Variants in SLITRK3 observed in about 807,000 individuals in gnomAD.
SLITRK3 encodes the protein SLIT and NTRK like family member 3.
A neutral mutation model predicts 63.6 loss-of-function variants in SLITRK3; 16 were observed. That is an observed-to-expected ratio of 0.25 (90% confidence interval 0.17 to 0.38). The LOEUF (loss-of-function observed/expected upper bound fraction) is 0.38. Among genes scored for constraint, SLITRK3 ranks in the 10% least tolerant of loss-of-function variants. SLITRK3 has a pLI of 1.00. For synonymous variants in SLITRK3, 547 were observed against 451.6 expected, an observed-to-expected ratio of 1.21 and a Z score of -2.68; for missense variants, 1,117 against 1,181.4, an observed-to-expected ratio of 0.95 and a Z score of 0.80.
Position 165,188,184 on chromosome 3 carries a change from T to C in SLITRK3, c.2647A>G (p.Met883Val). Reference protein sequence around the residue: ...PPGGGCGSGSMLLDRERPQPA... With the variant: ...PPGGGCGSGSVLLDRERPQPA... ...TGTGGCCTCTCTCGATCTAGTAGCA[T>C]ACTGCCACTACCACAGCCTCCCCCA... is the stretch of plus-strand genomic sequence containing the variant. The change falls in exon 2 of 2, where the codon ATG becomes GTG. Residue 883 changes from methionine to valine, a missense_variant. By Grantham distance (21) the Met-to-Val change is conservative. This residue lies in a region of SLITRK3 where 499 missense variants were observed against 463.6 expected (regional missense o/e 1.08). Coordinates refer to ENST00000475390, the MANE Select transcript of SLITRK3 (RefSeq NM_001318810.2). 6.2e-7 allele frequency: 1 copy of C among 1,613,768 alleles called. No homozygotes were observed. Among genetic ancestry groups the C allele is most frequent in the Non-Finnish European group, 8.5e-7 (1 of 1,179,940 alleles).
chr3:165,188,636 T>A lies in SLITRK3; in HGVS notation c.2195A>T (p.Lys732Met), dbSNP rs1377788854. 2 of 1,613,790 alleles carry A rather than the reference T, an allele frequency of 1.2e-6. No homozygotes were observed. The highest frequency in any genetic ancestry group is 1.7e-6 in the Non-Finnish European group (2 of 1,179,848). ...GGRPTLSSPEKAPPVGHVYEY... is the reference protein window; with the variant it reads ...GGRPTLSSPEMAPPVGHVYEY... ...ATACACATGACCCACGGGAGGGGCC[T>A]TCTCTGGAGAGGAAAGAGTTGGTCG... The change falls in exon 2 of 2, where the codon AAG becomes ATG. Residue 732 changes from lysine (K) to methionine (M), a missense_variant. Physicochemically the swap from Lys to Met is moderately conservative, Grantham distance 95 (BLOSUM62 -1). Around this residue, in one of 4 missense-constraint regions of SLITRK3, gnomAD observed 499 missense variants for 463.6 expected, o/e 1.08. Transcript: ENST00000475390.
At position 165,188,886 on chromosome 3, in the gene SLITRK3, C is replaced by T. The variant is rs760542192; in HGVS notation, c.1945G>A (p.Gly649Ser). 1.9e-6 allele frequency: 3 copies of T among 1,614,122 alleles called. No individual in the cohort carries two copies. The highest frequency in any genetic ancestry group is 1.7e-5 in the Admixed American group (1 of 60,014). Residue 649 changes from glycine (G) to serine (S), a missense_variant, in exon 2 of 2, where the codon GGC becomes AGC. By Grantham distance (56) the Gly-to-Ser change is moderately conservative. This residue lies in a region of SLITRK3 where 499 missense variants were observed against 463.6 expected (regional missense o/e 1.08). Transcript: ENST00000475390. ...ATTAACACAGAAAGTGGCACAGGGC[C>T]CCCAGGAGGAGAAAACTCATAAGGT... ...ASPYEFSPPG[G>S]PVPLSVLILS...
chr3:165,188,402 G>T lies in SLITRK3; in HGVS notation c.2429C>A (p.Thr810Asn), dbSNP rs755054526. 1 of 1,613,838 alleles carries T rather than the reference G, an allele frequency of 6.2e-7. No individual in the cohort carries two copies. Among genetic ancestry groups the T allele is most frequent in the African/African-American group, 1.3e-5 (1 of 74,934 alleles). The change falls in exon 2 of 2, where the codon ACC becomes AAC. Residue 810 changes from threonine to asparagine, a missense_variant. Physicochemically the swap from Thr to Asn is moderately conservative, Grantham distance 65. This residue lies in a region of SLITRK3 where 499 missense variants were observed against 463.6 expected (regional missense o/e 1.08). Transcript: ENST00000475390. ...TPKENHSNYR[T>N]LLEKEKEWAL... ...CCACTCCTTCTCTTTTTCCAGCAAGGTCCGGTAGTTACTATGGTTCTCCTT... is the reference window on the plus strand; with the variant it reads ...CCACTCCTTCTCTTTTTCCAGCAAGTTCCGGTAGTTACTATGGTTCTCCTT...
Position 165,188,510 on chromosome 3 carries a change from C to T in SLITRK3, c.2321G>A (p.Ser774Asn), listed in dbSNP as rs1324086674. 6.2e-7 allele frequency: 1 copy of T among 1,613,972 alleles called. No individual in the cohort carries two copies. Among genetic ancestry groups the T allele is most frequent in the Non-Finnish European group, 8.5e-7 (1 of 1,180,010 alleles). Residue 774 changes from serine (S) to asparagine (N), a missense_variant, in exon 2 of 2, where the codon AGT becomes AAT. This residue lies in a region of SLITRK3 where 499 missense variants were observed against 463.6 expected (regional missense o/e 1.08). Coordinates refer to ENST00000475390, the MANE Select transcript of SLITRK3 (RefSeq NM_001318810.2). ...TGTCCCTGGACCCCCACGTTCTGCA[C>T]TCCCTGCTTCTTGGGCTGATGAAAC... ...VAVSSAQEAG[S>N]AERGGPGTQP...
chr3:165,191,268 C>G (rs1260349714), intron 1 of SLITRK3, among the ~76,000 whole-genome samples: 1 of 152,170 alleles, frequency 6.6e-6, no homozygotes, highest in East Asian at 1.9e-4. Flanking sequence ...CATAATAAAT[C>G]TGATTGGAAC....
Position 165,190,835 on chromosome 3 carries a change from C to T in SLITRK3, c.-5G>A, listed in dbSNP as rs538550979. On this transcript the variant is annotated 5_prime_UTR_variant, in exon 2 of 2. Coordinates refer to ENST00000475390, the MANE Select transcript of SLITRK3 (RefSeq NM_001318810.2). ...CTCAGCTATGGAAGGTTTCATCGTT[C>T]GTGGTTGATTACAAAACTGCAACAG... 6.4e-6 allele frequency: 10 copies of T among 1,557,932 alleles called. No homozygotes were observed. Among genetic ancestry groups the T allele is most frequent in the Middle Eastern group, 1.7e-4 (1 of 5,750 alleles).
upstream of SLITRK3, chr3:165,196,828 C>G (rs1015176981): frequency 6.6e-6 from 1 of 150,594 alleles, no homozygotes; most frequent in Admixed American, 6.7e-5. Flanking sequence ...CCTCTCGCCG[C>G]GCATCGCAGG....
chr3:165,190,788 A>G lies in SLITRK3; in HGVS notation c.43T>C (p.Leu15=), dbSNP rs866629506. ...ATTGTGCTTAGAAGAATTATCCACA[A>G]CATCCTTCCTCTGTGAAGCATCTCA... The part of the protein sequence containing the change: ...IAEMLHRGRM[L]WIILLSTIAL... Residue 15 remains leucine (L), a synonymous_variant, in exon 2 of 2, where the codon TTG becomes CTG. Transcript: ENST00000475390. The G allele has an allele frequency of 1.2e-6, 2 of 1,609,196 alleles. No individual in the cohort carries two copies. The highest frequency in any genetic ancestry group is 1.7e-5 in the Admixed American group (1 of 59,010).
In SLITRK3 at chr3:165,190,371, G is replaced by T; in HGVS notation, c.460C>A (p.Leu154Met). ...TFLGLESLEY[L>M]QADYNVIKRI... is the part of the protein sequence containing the mutation. ...TTAATGACATTGTAATCTGCCTGCA[G>T]ATATTCTAGACTTTCCAAGCCAAGG... The change falls in exon 2 of 2, where the codon CTG becomes ATG. Residue 154 changes from leucine (L) to methionine (M), a missense_variant. Coordinates refer to ENST00000475390, the MANE Select transcript of SLITRK3 (RefSeq NM_001318810.2). 6.2e-7 allele frequency: 1 copy of T among 1,614,132 alleles called. No homozygotes were observed.
At chr3:165,191,980 A>T (rs1050606092) in intron 1 of SLITRK3, among the ~76,000 whole-genome samples, 1 of 152,360 alleles carries the variant, frequency 6.6e-6, no homozygotes, top group African/African-American at 2.4e-5. Flanking sequence ...GCCTAATAAC[A>T]TCAGTATATG....
At position 165,190,840 on chromosome 3, in the gene SLITRK3, T is replaced by C; in HGVS notation, c.-10A>G. The C allele has an allele frequency of 1.9e-6, 3 of 1,555,020 alleles. No individual in the cohort carries two copies. Among genetic ancestry groups the C allele is most frequent in the Admixed American group, 2.1e-5 (1 of 48,074 alleles). ...CTATGGAAGGTTTCATCGTTCGTGG[T>C]TGATTACAAAACTGCAACAGAAATA... On this transcript the variant is annotated 5_prime_UTR_variant, in exon 2 of 2. Coordinates refer to ENST00000475390, the MANE Select transcript of SLITRK3 (RefSeq NM_001318810.2).
rs1006044058 is a variant in SLITRK3, at chr3:165,190,166, C to T, written c.665G>A (p.Arg222Lys). 3 of 1,614,066 alleles carry T rather than the reference C, an allele frequency of 1.9e-6. No individual in the cohort carries two copies. The highest frequency in any genetic ancestry group is 2.5e-6 in the Non-Finnish European group (3 of 1,180,032). ...TTCCAGCTGGAGCTCCATCAGGCTT[C>T]TGCCAATGTGATCTAGCATTCCTCG... ...FYRGMLDHIG[R>K]SLMELQLEEN... Residue 222 changes from arginine (R) to lysine (K), a missense_variant, in exon 2 of 2, where the codon AGA becomes AAA. Arg to Lys is a conservative substitution (Grantham distance 26). This residue lies in a region of SLITRK3 where 452 missense variants were observed against 495.3 expected (regional missense o/e 0.91). Coordinates refer to ENST00000475390, the MANE Select transcript of SLITRK3 (RefSeq NM_001318810.2).
chr3:165,195,343 T>C (rs1179316659), intron 1 of SLITRK3, among the ~76,000 whole-genome samples: 2 of 152,268 alleles, frequency 1.3e-5, no homozygotes, highest in Admixed American at 1.3e-4. Context: ...TTGTTGGAGT[T>C]ACTTACGATG....
chr3:165,194,600 C>A (rs1718352054), intron 1 of SLITRK3, among the ~76,000 whole-genome samples: 1 of 152,118 alleles, frequency 6.6e-6, no homozygotes, highest in Admixed American at 6.5e-5. Flanking sequence ...CCCTCCCCAG[C>A]TGCCGGCACC....
intron 1 of SLITRK3, among the ~76,000 whole-genome samples, chr3:165,195,281 C>A (rs1157304021): frequency 6.6e-6 from 1 of 152,158 alleles, no homozygotes; most frequent in African/African-American, 2.4e-5. Flanking sequence ...TCTTACAACA[C>A]CAGCGAGCAT....
Position 165,188,260 on chromosome 3 carries a change from C to T in SLITRK3, c.2571G>A (p.Leu857=), listed in dbSNP as rs966041387. The part of the protein sequence containing the change: ...SGVVGGTGGD[L]AGFRHHEKNG... ...TTTTCTCATGGTGGCGGAACCCTGCCAAGTCTCCCCCAGTTCCCCCAACTA... is the reference window on the plus strand; with the variant it reads ...TTTTCTCATGGTGGCGGAACCCTGCTAAGTCTCCCCCAGTTCCCCCAACTA... The change falls in exon 2 of 2, where the codon TTG becomes TTA. Residue 857 remains leucine, a synonymous_variant. Coordinates refer to ENST00000475390, the MANE Select transcript of SLITRK3 (RefSeq NM_001318810.2). 1 of 1,613,706 alleles carries T rather than the reference C, an allele frequency of 6.2e-7. No homozygotes were observed.
chr3:165,188,660 C>T lies in SLITRK3; in HGVS notation c.2171G>A (p.Arg724Gln), dbSNP rs1718057991. ...GGGGGSGGGG[R>Q]PTLSSPEKAP... The stretch of plus-strand genomic sequence containing the variant: ...CTTCTCTGGAGAGGAAAGAGTTGGT[C>T]GACCACCACCCCCACTTCCGCCACC... Residue 724 changes from arginine (R) to glutamine (Q), a missense_variant, in exon 2 of 2, where the codon CGA becomes CAA. Around this residue, in one of 4 missense-constraint regions of SLITRK3, gnomAD observed 499 missense variants for 463.6 expected, o/e 1.08. Coordinates refer to ENST00000475390, the MANE Select transcript of SLITRK3 (RefSeq NM_001318810.2). 1.9e-6 allele frequency: 3 copies of T among 1,613,800 alleles called. No homozygotes were observed. The South Asian group carries it at 3.3e-5, about 18-fold the overall frequency.
intron 1 of SLITRK3, among the ~76,000 whole-genome samples, chr3:165,192,842 C>A (rs924758083): frequency 6.6e-6 from 1 of 152,124 alleles, no homozygotes. Context: ...GCTGCCCCTG[C>A]CGCTGCCGCC....
chr3:165,192,144 A>T (rs1332333321), intron 1 of SLITRK3, among the ~76,000 whole-genome samples: 1 of 152,228 alleles, frequency 6.6e-6, no homozygotes, highest in Non-Finnish European at 1.5e-5. Flanking sequence ...ACACAGAAAG[A>T]TATATTTCAT....
Sources: allele counts gnomAD v4.1 joint callset (sites outside exome capture counted in the v4.1 genomes callset), GRCh38; gene constraint gnomAD v4.1.1; regional missense constraint gnomAD v4.1.1; transcripts MANE v1.5; gene names NCBI Gene and HGNC (gene_info 2026-07-23, HGNC 2026-07-21).